The following MN1 variants were observed in gnomAD, a reference collection of about 807,000 sequenced individuals.
The protein encoded by MN1 is transcriptional activator MN1.
A neutral mutation model predicts 86.9 loss-of-function variants in MN1; 19 were observed. The observed-to-expected ratio is 0.22, with a 90% CI of 0.15 to 0.32. MN1 has a LOEUF of 0.32. Among genes scored for constraint, MN1 ranks in the 10% least tolerant of loss-of-function variants. The pLI is 1.00. For synonymous variants in MN1, 928 were observed against 849.6 expected (o/e 1.09, Z -1.60); for missense variants, 1,841 against 1,862.0 (o/e 0.99, Z 0.21).
At chr22:27,762,274 C>T (rs898742765) in intron 1 of MN1, among the ~76,000 whole-genome samples, 10 of 152,326 alleles carry the variant, frequency 6.6e-5, no homozygotes, top group Middle Eastern at 3.4e-3. Flanking sequence ...TATGCAAAAG[C>T]ACAGCCCGTC....
intron 1 of MN1, among the ~76,000 whole-genome samples, chr22:27,753,664 G>A (rs1932783700): frequency 2.0e-5 from 3 of 152,222 alleles, no homozygotes; most frequent in African/African-American, 7.2e-5. Context: ...AAGCTAGTTA[G>A]TAGTGGTGAA....
chr22:27,798,338 C>A lies in MN1; in HGVS notation c.2206G>T (p.Ala736Ser). 1 of 1,514,344 alleles carries A rather than the reference C, an allele frequency of 6.6e-7. No homozygotes were observed. Among genetic ancestry groups the A allele is most frequent in the East Asian group, 2.6e-5 (1 of 38,970 alleles). The allele number at this position is 1,514,344 out of a possible 1,614,324, so 93.8% of individuals were successfully genotyped here. The part of the protein sequence containing the change: ...SERRPPPPDF[A>S]TSALGGQPGF... ...GGCTGGCCCCCGAGCGCAGACGTAG[C>A]AAAGTCCGGCGGCGGGGGCCGGCGC... Residue 736 changes from alanine to serine, a missense_variant, in exon 1 of 2, where the codon GCT becomes TCT. Physicochemically the swap from Ala to Ser is moderately conservative, Grantham distance 99 (BLOSUM62 1). Transcript: ENST00000302326.
chr22:27,767,383 T>C (rs899257676), intron 1 of MN1, among the ~76,000 whole-genome samples: 2 of 152,050 alleles, frequency 1.3e-5, no homozygotes, highest in Non-Finnish European at 2.9e-5. Context: ...ATGTAGAGAT[T>C]AAGGAATTAT....
chr22:27,778,816 G>T (rs1297950453), intron 1 of MN1, among the ~76,000 whole-genome samples: 4 of 152,238 alleles, frequency 2.6e-5, no homozygotes, highest in Non-Finnish European at 4.4e-5. Context: ...GGGCCCTGAT[G>T]TCTGTAACAA....
chr22:27,797,809 T>C lies in MN1; in HGVS notation c.2735A>G (p.Gln912Arg). ...KASGPPNPPA[Q>R]GDGTSLSPNY... The stretch of plus-strand genomic sequence containing the variant: ...GGGGGAGAGGCTGGTGCCGTCCCCC[T>C]GGGCTGGAGGGTTGGGCGGCCCCGA... Residue 912 changes from glutamine to arginine, a missense_variant, in exon 1 of 2, where the codon CAG (glutamine) becomes CGG (arginine). By Grantham distance (43) the Gln-to-Arg change is conservative. Coordinates refer to ENST00000302326, the MANE Select transcript of MN1 (RefSeq NM_002430.3). 2 of 1,588,790 alleles carry C rather than the reference T, an allele frequency of 1.3e-6. No homozygotes were observed. Among genetic ancestry groups the C allele is most frequent in the South Asian group, 1.1e-5 (1 of 88,036 alleles).
At position 27,748,797 on chromosome 22, in the gene MN1, A is replaced by G. The variant is rs1349603336; in HGVS notation, c.*2118T>C. The G allele has an allele frequency of 8.9e-6, 2 of 224,018 alleles. No individual in the cohort carries two copies. Among genetic ancestry groups the G allele is most frequent in the East Asian group, 1.3e-4 (2 of 15,460 alleles). The allele number at this position is 224,018 out of a possible 1,614,324, so 13.9% of individuals were successfully genotyped here. On this transcript the variant is annotated 3_prime_UTR_variant, in exon 2 of 2. Coordinates refer to ENST00000302326, the MANE Select transcript of MN1 (RefSeq NM_002430.3). ...TAATTGGCAAAGTGTTGATGACTCA[A>G]CGCTGGGAAAGTCAAAGACAGAAGT...
intron 1 of MN1, among the ~76,000 whole-genome samples, chr22:27,787,321 A>G (rs1429117827): frequency 6.6e-6 from 1 of 152,204 alleles, no homozygotes; most frequent in East Asian, 1.9e-4. Context: ...CAAAAGTTAC[A>G]TTGCAGGGGA....
At chr22:27,760,695 C>G (rs554818294) in intron 1 of MN1, among the ~76,000 whole-genome samples, 1 of 152,208 alleles carries the variant, frequency 6.6e-6, no homozygotes, top group African/African-American at 2.4e-5. Context: ...ACCGGGGCCA[C>G]GCAGAGCCCG....
chr22:27,800,897 G>C lies in MN1; in HGVS notation c.-354C>G, dbSNP rs1933425552. 5.0e-6 allele frequency: 2 copies of C among 399,226 alleles called. No individual in the cohort carries two copies. The highest frequency in any genetic ancestry group is 2.0e-5 in the African/African-American group (1 of 49,168). The allele number at this position is 399,226 out of a possible 1,614,324, so 24.7% of individuals were successfully genotyped here. A position where few individuals can be genotyped will look rare whatever the true frequency, so the allele number is the denominator to read the frequency against. ...ACGGAGACAAAAAGTTAAGTGGGGG[G>C]AATGGGGAGGGAAGGGGGTTGGGAG... is the stretch of plus-strand genomic sequence containing the variant. On this transcript the variant is annotated 5_prime_UTR_variant, in exon 1 of 2. Transcript: ENST00000302326.
chr22:27,751,615 C>G (rs975880421), intron 1 of MN1, among the ~76,000 whole-genome samples: 1 of 152,080 alleles, frequency 6.6e-6, no homozygotes, highest in Non-Finnish European at 1.5e-5. Context: ...TTAAAATGTG[C>G]CAGACTGCAT....
chr22:27,798,510 GC>G lies in MN1; in HGVS notation c.2033del (p.Gly678AlafsTer7). On this transcript the variant is annotated frameshift_variant, in exon 1 of 2. Coordinates refer to ENST00000302326, the MANE Select transcript of MN1 (RefSeq NM_002430.3). LOFTEE classifies it high-confidence loss of function. ...PPGGSGVLFR[G>X]PLQEPMRMPG... ...GCATCCTCATCGGCTCCTGCAGAGG[GC>G]CCCGGAACAGCACCCCCGAGCCACC... is the stretch of plus-strand genomic sequence containing the variant. The G allele has an allele frequency of 6.5e-7, 1 of 1,534,448 alleles. No homozygotes were observed. The highest frequency in any genetic ancestry group is 8.7e-7 in the Non-Finnish European group (1 of 1,151,980).
intron 1 of MN1, among the ~76,000 whole-genome samples, chr22:27,787,164 G>A (rs1169201386): frequency 2.6e-5 from 4 of 152,206 alleles, no homozygotes; most frequent in African/African-American, 9.7e-5. Flanking sequence ...GTGTGTGCAC[G>A]CAAGCAAAGC....
In MN1 at chr22:27,799,437, G is replaced by A; in HGVS notation, c.1107C>T (p.Val369=). 2.0e-6 allele frequency: 3 copies of A among 1,472,110 alleles called. No individual in the cohort carries two copies. In the South Asian group the frequency reaches 4.2e-5, roughly 21 times the overall value. The allele number at this position is 1,472,110 out of a possible 1,614,324, so 91.2% of individuals were successfully genotyped here. A position where few individuals can be genotyped will look rare whatever the true frequency, so the allele number is the denominator to read the frequency against. Residue 369 remains valine (V), a synonymous_variant, in exon 1 of 2, where the codon GTC becomes GTT. Coordinates refer to ENST00000302326, the MANE Select transcript of MN1 (RefSeq NM_002430.3). The part of the protein sequence containing the change: ...QQPPPPPGLL[V]RQNSCPPALP... ...GCGCAGGCGGGCACGAATTTTGTCG[G>A]ACTAGAAGCCCGGGTGGCGGCGGCG...
intron 1 of MN1, among the ~76,000 whole-genome samples, chr22:27,783,377 T>C (rs566949088): frequency 6.6e-6 from 1 of 152,198 alleles, no homozygotes; most frequent in East Asian, 1.9e-4. Flanking sequence ...GGTGATCCAC[T>C]TGCCTCAGCT....
In MN1 at chr22:27,798,954, CTGCTGCTGCTGCTGCTGCTGT is replaced by C. The variant is rs1568985271; in HGVS notation, c.1569_1589del (p.Gln544_Gln550del). On this transcript the variant is annotated inframe_deletion, in exon 1 of 2. Coordinates refer to ENST00000302326, the MANE Select transcript of MN1 (RefSeq NM_002430.3). ...GCTGCTGCTGCTGCTGTTGCTGCTG[CTGCTGCTGCTGCTGCTGCTGT>C]TGCAGGGACTGGTGGTCCGGGGCCG... 1 of 1,586,780 alleles carries C rather than the reference CTGCTGCTGCTGCTGCTGCTGT, an allele frequency of 6.3e-7. No homozygotes were observed. The highest frequency in any genetic ancestry group is 1.1e-5 in the South Asian group (1 of 88,588).
At chr22:27,761,722 C>G (rs900317615) in intron 1 of MN1, among the ~76,000 whole-genome samples, 4 of 152,212 alleles carry the variant, frequency 2.6e-5, no homozygotes, top group African/African-American at 9.6e-5. Flanking sequence ...GCAAGGCCCC[C>G]CCGTTCCAGG....
Position 27,799,261 on chromosome 22 carries a change from C to G in MN1, c.1283G>C (p.Ser428Thr). The stretch of plus-strand genomic sequence containing the variant: ...CTGCTGCGGAGGAGGATGCTGCATG[C>G]TGAAAACAGGCTCGGAATAAGGGTG... ...SMHPYSEPVFSMQHPPPQQAP... is the reference protein window; with the variant it reads ...SMHPYSEPVFTMQHPPPQQAP... The change falls in exon 1 of 2, where the codon AGC (serine) becomes ACC (threonine). Residue 428 changes from serine to threonine, a missense_variant. Physicochemically the swap from Ser to Thr is moderately conservative, Grantham distance 58. Coordinates refer to ENST00000302326, the MANE Select transcript of MN1 (RefSeq NM_002430.3). The G allele has an allele frequency of 6.3e-7, 1 of 1,582,168 alleles. No individual in the cohort carries two copies. The highest frequency in any genetic ancestry group is 8.6e-7 in the Non-Finnish European group (1 of 1,162,624).
At chr22:27,769,021 C>T (rs1932892094) in intron 1 of MN1, among the ~76,000 whole-genome samples, 1 of 152,168 alleles carries the variant, frequency 6.6e-6, no homozygotes, top group South Asian at 2.1e-4. Flanking sequence ...GCCATGACAA[C>T]TAGTTTTCTT....
At chr22:27,762,407 T>C (rs1932840802) in intron 1 of MN1, among the ~76,000 whole-genome samples, 1 of 152,218 alleles carries the variant, frequency 6.6e-6, no homozygotes, top group Non-Finnish European at 1.5e-5. Flanking sequence ...CTTAGCACAG[T>C]GCCAGGGGCT....
Sources: allele counts gnomAD v4.1 joint callset (sites outside exome capture counted in the v4.1 genomes callset), GRCh38; gene constraint gnomAD v4.1.1; transcripts MANE v1.5; gene names NCBI Gene and HGNC (gene_info 2026-07-23, HGNC 2026-07-21).